RGS3: variants seen among roughly 807,000 people sequenced by gnomAD.
RGS3 encodes regulator of G protein signaling 3.
RGS3 carries 80 observed loss-of-function variants against 132.6 expected under a neutral mutation model. That is an observed-to-expected ratio of 0.60 (90% CI 0.50 to 0.73). The LOEUF is 0.73. RGS3 is among the 30% of genes least tolerant of loss of function. RGS3 has a pLI of 0.00. For missense variants in RGS3, 1,382 were observed against 1,530.8 expected (o/e 0.90, Z 1.62); for synonymous variants, 598 against 620.6 (o/e 0.96, Z 0.54).
intron 18 of RGS3, among the ~76,000 whole-genome samples, chr9:113,529,977 C>T (rs1832395712): frequency 6.6e-6 from 1 of 152,216 alleles, no homozygotes; most frequent in Non-Finnish European, 1.5e-5. Flanking sequence ...AAGTTGAGAG[C>T]CACTGAGCTA....
exon 1 of RGS3, chr9:113,460,277 T>C (rs938044304): frequency 3.1e-5 from 25 of 795,126 alleles, no homozygotes; most frequent in Non-Finnish European, 3.8e-5. Flanking sequence ...TCCCAGCACT[T>C]TGGGAGGTTG....
rs537171502 is a variant in RGS3 at position 113,540,549 on chromosome 9, C to T, written c.2037+3631C>T. On this transcript the variant is annotated intron_variant, in intron 19 of 24. Transcript: ENST00000350696. ...CAAGCATCATCCGTGCCGTGAGCCT[C>T]CTGCTCAGTACCCTTCATGTGCCTG... Among the ~76,000 whole-genome samples the T allele has an allele frequency of 9.8e-5, 15 of 152,308 alleles. No individual in the cohort carries two copies. The East Asian group carries it at 2.9e-3, about 29-fold the overall frequency.
chr9:113,502,543 C>G (rs1378445668), intron 10 of RGS3, among the ~76,000 whole-genome samples: 3 of 152,238 alleles, frequency 2.0e-5, no homozygotes, highest in African/African-American at 7.2e-5. Context: ...AGGCCCCACT[C>G]TGTGTTTCCT....
intron 10 of RGS3, among the ~76,000 whole-genome samples, chr9:113,500,011 C>CGTGATTCA (rs1830817996): frequency 6.6e-6 from 1 of 152,082 alleles, no homozygotes; most frequent in African/African-American, 2.4e-5. Context: ...GGGCCTCCCT[C>CGTGATTCA]GTGATTCATG....
chr9:113,498,827 G>C (rs1830769130), intron 10 of RGS3, among the ~76,000 whole-genome samples: 1 of 148,230 alleles, frequency 6.7e-6, no homozygotes, highest in Non-Finnish European at 1.5e-5. Flanking sequence ...TGAGGCAGGA[G>C]AATCACTTGA....
At chr9:113,532,793 G>A (rs1323808648) in intron 18 of RGS3, among the ~76,000 whole-genome samples, 1 of 152,152 alleles carries the variant, frequency 6.6e-6, no homozygotes, top group South Asian at 2.1e-4. Flanking sequence ...CTCCCAGGAT[G>A]GGGGGAGCTC....
At position 113,588,229 on chromosome 9, in the gene RGS3, A is replaced by G. The variant is rs1454615404; in HGVS notation, c.3016-3104A>G. 2.0e-5 allele frequency among the ~76,000 whole-genome samples: 3 copies of G among 152,216 alleles called. No homozygotes were observed. The East Asian group carries it at 5.8e-4, about 29-fold the overall frequency. On this transcript the variant is annotated intron_variant, in intron 20 of 24. Coordinates refer to ENST00000350696, the Ensembl canonical transcript of RGS3. The stretch of plus-strand genomic sequence containing the variant: ...GTCAGAGATCAGACGAGAGGACCCC[A>G]AAAATGCCTTCCAGCTCCAAGACGA...
intron 19 of RGS3, among the ~76,000 whole-genome samples, chr9:113,563,935 G>T (rs1448970102): frequency 6.6e-6 from 1 of 152,146 alleles, no homozygotes; most frequent in Non-Finnish European, 1.5e-5. Context: ...GCCAAGGTGG[G>T]TGGGGTGGGC....
chr9:113,577,230 C>T (rs575808153), intron 19 of RGS3, among the ~76,000 whole-genome samples: 10 of 152,280 alleles, frequency 6.6e-5, no homozygotes, highest in Middle Eastern at 3.4e-3. Flanking sequence ...GTGATCCACC[C>T]GTCTTGACCT....
At chr9:113,452,668 T>C (rs1358212210) in intron 1 of RGS3, among the ~76,000 whole-genome samples, 1 of 151,586 alleles carries the variant, frequency 6.6e-6, no homozygotes, top group Non-Finnish European at 1.5e-5. Flanking sequence ...GTTAATAATA[T>C]GTGTCTATTA....
intron 4 of RGS3, 123 bp from the exon 3 acceptor site, chr9:113,482,936 T>TA (rs758715312): frequency 7.2e-5 from 113 of 1,561,148 alleles, no homozygotes; most frequent in Non-Finnish European, 8.6e-5. Flanking sequence ...TACTCACAGA[T>TA]ACGCTTTTCT....
intron 18 of RGS3, among the ~76,000 whole-genome samples, chr9:113,535,034 A>G (rs1832622526): frequency 6.6e-6 from 1 of 152,216 alleles, no homozygotes. Context: ...AATAACAAAT[A>G]TTATTGTCTT....
At chr9:113,551,694 A>T (rs1435321648) in intron 19 of RGS3, among the ~76,000 whole-genome samples, 3 of 152,050 alleles carry the variant, frequency 2.0e-5, no homozygotes, top group Non-Finnish European at 4.4e-5. Context: ...ACTAACAACA[A>T]CAACAACAAC....
intron 7 of RGS3, among the ~76,000 whole-genome samples, chr9:113,487,747 GA>G (rs2119241415): frequency 6.6e-6 from 1 of 152,334 alleles, no homozygotes; most frequent in Non-Finnish European, 1.5e-5. Context: ...ATTAGCTGAA[GA>G]GGTTGGTATA....
intron 3 of RGS3, among the ~76,000 whole-genome samples, chr9:113,467,324 T>G (rs1169098712): frequency 6.6e-6 from 1 of 152,186 alleles, no homozygotes; most frequent in East Asian, 1.9e-4. Flanking sequence ...CCAAAGTAGG[T>G]GTATCATTTT....
intron 19 of RGS3, among the ~76,000 whole-genome samples, chr9:113,560,271 C>T (rs545842885): frequency 2.0e-5 from 3 of 152,256 alleles, no homozygotes; most frequent in African/African-American, 7.2e-5. Flanking sequence ...GGGGAACGGG[C>T]TTACCCTGGG....
chr9:113,589,674 A>C (rs1438517972), intron 20 of RGS3, among the ~76,000 whole-genome samples: 1 of 152,214 alleles, frequency 6.6e-6, no homozygotes, highest in Admixed American at 6.5e-5. Flanking sequence ...CCAGGCCAGC[A>C]TGAGTGCAGC....
Position 113,506,274 on chromosome 9 carries a change from T to C in RGS3, c.980-114T>C, listed in dbSNP as rs1317375531. The C allele has an allele frequency of 3.1e-6, 2 of 642,304 alleles. No homozygotes were observed. The highest frequency in any genetic ancestry group is 5.6e-6 in the Non-Finnish European group (2 of 359,736). The allele number at this position is 642,304 out of a possible 1,614,324, so 39.8% of individuals were successfully genotyped here. A position where few individuals can be genotyped will look rare whatever the true frequency, so the allele number is the denominator to read the frequency against. On this transcript the variant is annotated intron_variant, in intron 11 of 24. Transcript: ENST00000350696. This position sits in a 1 kb window ranked among gnomAD's most constrained non-coding sequence, Gnocchi z 4.7. ...CCCTCATTTCACGGATGAAGAAACT[T>C]AGAGAAAAAGGGAGGTCCTTGTCTG...
rs560210023 is a variant in RGS3 at position 113,591,586 on chromosome 9, G to A, written c.3080+189G>A. 4.1e-5 allele frequency: 24 copies of A among 588,434 alleles called. No homozygotes were observed. The African/African-American group carries it at 4.3e-4, about 11-fold the overall frequency. 36.5% of individuals were successfully genotyped at this position (588,434 alleles called of 1,614,324 possible). A position where few individuals can be genotyped will look rare whatever the true frequency, so the allele number is the denominator to read the frequency against. The stretch of plus-strand genomic sequence containing the variant: ...CCCAAAGTGGGGTCACCTGGGTCCT[G>A]AGCATTCTCTCCAAGTGAGGCAAAG... On this transcript the variant is annotated intron_variant, in intron 21 of 24. Transcript: ENST00000350696. This position sits in a 1 kb window ranked among gnomAD's most constrained non-coding sequence, Gnocchi z 4.4.
Sources: gnomAD v4.1 joint callset for allele counts (sites outside exome capture counted in the v4.1 genomes callset) on GRCh38, gnomAD v4.1.1 for gene constraint, Gnocchi (gnomAD v3.1) non-coding constraint, MANE v1.5 for transcripts, NCBI Gene and HGNC (gene_info 2026-07-23, HGNC 2026-07-21) for gene names.